RBM20: variants seen among roughly 807,000 people sequenced by gnomAD.
The protein encoded by RBM20 is RNA-binding protein 20.
In RBM20, 51 loss-of-function variants were observed where a neutral mutation model predicts 110.1. That is an observed-to-expected ratio of 0.46 (90% CI 0.37 to 0.59). The LOEUF (loss-of-function observed/expected upper bound fraction) is 0.59, where lower values mean the gene tolerates loss of function less well. RBM20 is among the 20% of genes least tolerant of loss of function. The probability of loss-of-function intolerance (pLI) is 0.00; values close to 1 mark genes in which losing one functional copy is unlikely to be tolerated. For synonymous variants in RBM20, 589 were observed against 618.2 expected (o/e 0.95, Z 0.70); for missense variants, 1,512 against 1,574.9 (o/e 0.96, Z 0.68).
At chr10:110,729,964 C>T (rs905226087) in intron 1 of RBM20, among the ~76,000 whole-genome samples, 6 of 152,220 alleles carry the variant, frequency 3.9e-5, no homozygotes, top group African/African-American at 9.6e-5. Context: ...TACAGGCATG[C>T]GCCACCATGC....
intron 1 of RBM20, among the ~76,000 whole-genome samples, chr10:110,742,507 G>C (rs1040847774): frequency 2.0e-5 from 3 of 152,198 alleles, no homozygotes; most frequent in African/African-American, 7.2e-5. Flanking sequence ...GCCTGTGACA[G>C]TCCCCTGGCA....
chr10:110,832,666 C>T (rs1182127309), intron 13 of RBM20, among the ~76,000 whole-genome samples: 1 of 152,182 alleles, frequency 6.6e-6, no homozygotes, highest in Admixed American at 6.5e-5. Context: ...GATCAAATCG[C>T]CTGATTCTGA....
rs11195314 is a variant in RBM20, at chr10:110,764,663, G to C, written c.192-16138G>C. On this transcript the variant is annotated intron_variant, in intron 1 of 13. Transcript: ENST00000369519. ...CCCTCCGCTGCCCCTTTCCAGACTC[G>C]AGAGAGTTTGAGTGAAGGCTTGTCA... is the stretch of plus-strand genomic sequence containing the variant. 3.2e-3 allele frequency among the ~76,000 whole-genome samples: 491 copies of C among 152,192 alleles called. 3 individuals are homozygous for C. The highest frequency in any genetic ancestry group is 0.011 in the African/African-American group (461 of 41,518).
intron 13 of RBM20, among the ~76,000 whole-genome samples, chr10:110,831,683 A>AAC (rs1564668268): frequency 1.5e-5 from 1 of 64,822 alleles, no homozygotes; most frequent in African/African-American, 4.4e-5. Context: ...AAAAAAAAAA[A>AAC]AAAAAAAACA....
At chr10:110,832,911 G>A (rs1248306883) in intron 13 of RBM20, among the ~76,000 whole-genome samples, 3 of 152,198 alleles carry the variant, frequency 2.0e-5, no homozygotes, top group Admixed American at 1.3e-4. Context: ...CTTGGCCAGA[G>A]CAGGAGGGTC....
intron 5 of RBM20, among the ~76,000 whole-genome samples, chr10:110,785,612 T>C (rs1005935443): frequency 6.6e-6 from 1 of 152,162 alleles, no homozygotes; most frequent in Non-Finnish European, 1.5e-5. Context: ...GTCAAGCGTT[T>C]GTAGTATCAC....
chr10:110,769,710 A>C (rs1218491397), intron 1 of RBM20, among the ~76,000 whole-genome samples: 1 of 152,068 alleles, frequency 6.6e-6, no homozygotes, highest in Non-Finnish European at 1.5e-5. Context: ...TCAATTCCTG[A>C]TAACTCACTA....
chr10:110,756,219 C>T (rs556905259), intron 1 of RBM20, among the ~76,000 whole-genome samples: 1 of 152,302 alleles, frequency 6.6e-6, no homozygotes, highest in African/African-American at 2.4e-5. Flanking sequence ...CTTGACTGTT[C>T]AGTCCTCATA....
At position 110,839,223 on chromosome 10, in the gene RBM20, C is replaced by G. The variant is rs1386180967; in HGVS notation, c.*3245C>G. 2 of 152,180 alleles carry G rather than the reference C, an allele frequency of 1.3e-5. No homozygotes were observed. Among genetic ancestry groups the G allele is most frequent in the Non-Finnish European group, 2.9e-5 (2 of 68,040 alleles). 9.4% of individuals were successfully genotyped at this position (152,180 alleles called of 1,614,324 possible). On this transcript the variant is annotated 3_prime_UTR_variant, in exon 14 of 14. Transcript: ENST00000369519. ...GCCGTTAGTATCAGGGTTTCCCATT[C>G]TTGGACAGTCCGAGGCTGTGACCTG...
intron 1 of RBM20, among the ~76,000 whole-genome samples, chr10:110,703,205 C>T (rs1446538994): frequency 6.6e-6 from 1 of 150,686 alleles, no homozygotes; most frequent in African/African-American, 2.4e-5. Context: ...GGTGAAACAC[C>T]ATCTCTACTA....
intron 1 of RBM20, among the ~76,000 whole-genome samples, chr10:110,670,520 T>C (rs1862241470): frequency 6.6e-6 from 1 of 152,194 alleles, no homozygotes; most frequent in Non-Finnish European, 1.5e-5. Flanking sequence ...TTGTGGGCAT[T>C]GATGCTAGGC....
chr10:110,699,965 A>C (rs1862733731), intron 1 of RBM20, among the ~76,000 whole-genome samples: 1 of 152,192 alleles, frequency 6.6e-6, no homozygotes, highest in Admixed American at 6.5e-5. Context: ...ATGCTGGACA[A>C]AAAGGTGATT....
At chr10:110,767,957 C>G (rs918112119) in intron 1 of RBM20, among the ~76,000 whole-genome samples, 1 of 152,250 alleles carries the variant, frequency 6.6e-6, no homozygotes, top group Non-Finnish European at 1.5e-5. Context: ...ACTGAGTGAA[C>G]CAGACTCCGT....
chr10:110,791,343 C>T (rs974607615), intron 5 of RBM20, among the ~76,000 whole-genome samples: 49 of 152,030 alleles, frequency 3.2e-4, no homozygotes, highest in Non-Finnish European at 6.5e-4. Flanking sequence ...CAGGCTGGAG[C>T]ACAGAAATCG....
intron 1 of RBM20, among the ~76,000 whole-genome samples, chr10:110,687,049 A>T (rs1862516174): frequency 6.6e-6 from 1 of 152,022 alleles, no homozygotes; most frequent in East Asian, 1.9e-4. Context: ...AAAGAAAAAA[A>T]AAAAAAAAGA....
intron 1 of RBM20, among the ~76,000 whole-genome samples, chr10:110,731,976 C>A (rs74929222): frequency 1.3e-5 from 2 of 152,326 alleles, no homozygotes; most frequent in East Asian, 3.9e-4. Context: ...CCATCTTCTC[C>A]ATGTGCACCT....
At chr10:110,719,528 G>A (rs781319906) in intron 1 of RBM20, among the ~76,000 whole-genome samples, 34 of 151,972 alleles carry the variant, frequency 2.2e-4, no homozygotes, top group Middle Eastern at 3.2e-3. Context: ...TTTTGTTTTT[G>A]TTTTTGTCTC....
At chr10:110,811,705 T>G (rs1478377813) in intron 8 of RBM20, among the ~76,000 whole-genome samples, 1 of 152,066 alleles carries the variant, frequency 6.6e-6, no homozygotes, top group Non-Finnish European at 1.5e-5. Flanking sequence ...GAGCGTGCCC[T>G]CCCCAATAGT....
intron 1 of RBM20, among the ~76,000 whole-genome samples, chr10:110,699,658 C>G (rs1862727375): frequency 6.6e-6 from 1 of 152,034 alleles, no homozygotes; most frequent in South Asian, 2.1e-4. Flanking sequence ...CTCTTTTTTC[C>G]TTTATACGGT....
Sources: allele counts gnomAD v4.1 joint callset (sites outside exome capture counted in the v4.1 genomes callset), GRCh38; gene constraint gnomAD v4.1.1; transcripts MANE v1.5; gene names NCBI Gene and HGNC (gene_info 2026-07-23, HGNC 2026-07-21).